The following PDE4B variants were observed in gnomAD, a reference collection of about 807,000 sequenced individuals.
The protein encoded by PDE4B is 3',5'-cyclic-AMP phosphodiesterase 4B.
A neutral mutation model predicts 82.2 loss-of-function variants in PDE4B; 20 were observed. That is an observed-to-expected ratio of 0.24 (90% CI 0.17 to 0.35). The LOEUF (loss-of-function observed/expected upper bound fraction) is 0.35. Ranked by LOEUF, PDE4B falls within the 10% of genes least tolerant of loss-of-function variation. The pLI, the probability that PDE4B is intolerant of heterozygous loss-of-function variation, is 1.00. For synonymous variants in PDE4B, 320 were observed against 318.9 expected (o/e 1.00, Z -0.04); for missense variants, 655 against 907.2 (o/e 0.72, Z 3.57).
chr1:65,946,131 A>G (rs1017481401), intron 3 of PDE4B, among the ~76,000 whole-genome samples: 3 of 151,982 alleles, frequency 2.0e-5, no homozygotes, highest in African/African-American at 4.8e-5. Flanking sequence ...GAAACCCTTC[A>G]TGAATTCATA....
chr1:66,258,243 T>A (rs1356491146), intron 6 of PDE4B, among the ~76,000 whole-genome samples: 1 of 152,258 alleles, frequency 6.6e-6, no homozygotes, highest in East Asian at 1.9e-4. Flanking sequence ...AAACTTAAAA[T>A]TAAATGTAGC....
chr1:66,351,187 G>C (rs1396487839), intron 8 of PDE4B, among the ~76,000 whole-genome samples: 1 of 152,176 alleles, frequency 6.6e-6, no homozygotes, highest in Non-Finnish European at 1.5e-5. Context: ...TGTTGAAAAG[G>C]GGCATTGGCC....
chr1:66,189,414 A>G (rs1054639129), intron 3 of PDE4B, among the ~76,000 whole-genome samples: 2 of 152,174 alleles, frequency 1.3e-5, no homozygotes, highest in African/African-American at 4.8e-5. Context: ...CCTGGATAAT[A>G]TCCTGCAGAG....
At position 66,107,586 on chromosome 1, in the gene PDE4B, T is replaced by G. The variant is rs556805877; in HGVS notation, c.282-139874T>G. Among the ~76,000 whole-genome samples the G allele has an allele frequency of 2.0e-3, 303 of 152,116 alleles. 1 individual carries two copies. The highest frequency in any genetic ancestry group is 3.1e-3 in the Non-Finnish European group (212 of 67,922). ...GTCCACCTGGATGACCAAAAATACT[T>G]TTTATTTGTTAGCATTCTTGCTGCA... On this transcript the variant is annotated intron_variant, in intron 3 of 16. Coordinates refer to ENST00000341517, the MANE Select transcript of PDE4B (RefSeq NM_002600.4).
intron 3 of PDE4B, among the ~76,000 whole-genome samples, chr1:66,113,693 G>A (rs1415532288): frequency 6.6e-6 from 1 of 152,150 alleles, no homozygotes; most frequent in Non-Finnish European, 1.5e-5. Context: ...TTTAAGATAT[G>A]CAAAGATATA....
At position 66,188,458 on chromosome 1, in the gene PDE4B, G is replaced by A. The variant is rs374869628; in HGVS notation, c.282-59002G>A. Among the ~76,000 whole-genome samples the A allele has an allele frequency of 2.6e-4, 39 of 151,932 alleles. No homozygotes were observed. In the South Asian group the frequency reaches 6.2e-3, roughly 24 times the overall value. On this transcript the variant is annotated intron_variant, in intron 3 of 16. Transcript: ENST00000341517. ...GGTGTTAAAGTCTCCCATTATTATT[G>A]TGTGGGAGTCTAAGTCTCTTTGTAG...
chr1:65,934,883 C>A (rs1648039872), intron 3 of PDE4B, among the ~76,000 whole-genome samples: 2 of 151,958 alleles, frequency 1.3e-5, no homozygotes, highest in Admixed American at 6.6e-5. Context: ...ATCGACACAC[C>A]TAAAGAAATA....
intron 1 of PDE4B, among the ~76,000 whole-genome samples, chr1:65,842,015 A>C (rs1241446231): frequency 6.6e-6 from 1 of 152,220 alleles, no homozygotes; most frequent in Admixed American, 6.5e-5. Context: ...ATATTAAATC[A>C]ACTTAGTCTT....
At chr1:65,922,830 A>G (rs566077279) in intron 3 of PDE4B, among the ~76,000 whole-genome samples, 40 of 152,354 alleles carry the variant, frequency 2.6e-4, no homozygotes, top group African/African-American at 9.1e-4. Flanking sequence ...CTTGCAAGAC[A>G]TATCAAACAT....
rs538214763 is a variant in PDE4B, at chr1:66,170,129, G to A, written c.282-77331G>A. ...TCCCTAGGTGTGGGATATGAATAGC[G>A]TACCAGCTTTTCAGGATGTTGCACA... On this transcript the variant is annotated intron_variant, in intron 3 of 16. Coordinates refer to ENST00000341517, the MANE Select transcript of PDE4B (RefSeq NM_002600.4). Among the ~76,000 whole-genome samples the A allele has an allele frequency of 2.6e-5, 4 of 152,248 alleles. No individual in the cohort carries two copies. The East Asian group carries it at 5.8e-4, about 22-fold the overall frequency.
At chr1:66,189,912 G>A (rs1304977592) in intron 3 of PDE4B, among the ~76,000 whole-genome samples, 1 of 152,168 alleles carries the variant, frequency 6.6e-6, no homozygotes, top group African/African-American at 2.4e-5. Flanking sequence ...GAGGTGCTCT[G>A]CTTTTTAGAG....
chr1:65,947,624 G>A (rs545997782), intron 3 of PDE4B, among the ~76,000 whole-genome samples: 1 of 152,026 alleles, frequency 6.6e-6, no homozygotes, highest in East Asian at 1.9e-4. Context: ...CAGTATGACT[G>A]GTATCTTTAT....
intron 1 of PDE4B, among the ~76,000 whole-genome samples, chr1:65,878,788 CT>C (rs374703203): frequency 1.2e-4 from 18 of 152,012 alleles, no homozygotes; most frequent in African/African-American, 4.1e-4. Flanking sequence ...GCATGTGGGG[CT>C]TAAAACCTAG....
intron 1 of PDE4B, among the ~76,000 whole-genome samples, chr1:65,879,436 A>G (rs935422544): frequency 1.3e-5 from 2 of 152,212 alleles, no homozygotes; most frequent in Non-Finnish European, 2.9e-5. Context: ...CAGTAGAAGA[A>G]GAGACAAGTT....
At chr1:66,303,423 T>C (rs150729847) in intron 7 of PDE4B, among the ~76,000 whole-genome samples, 21 of 152,006 alleles carry the variant, frequency 1.4e-4, no homozygotes, top group Admixed American at 1.4e-3. Flanking sequence ...ATCTGTCACC[T>C]CATAGACTTT....
intron 3 of PDE4B, among the ~76,000 whole-genome samples, chr1:66,046,756 T>C (rs1654737592): frequency 6.6e-6 from 1 of 151,838 alleles, no homozygotes; most frequent in Non-Finnish European, 1.5e-5. Flanking sequence ...GGCTACTCAA[T>C]GAGGAAAGAA....
chr1:66,022,459 T>A (rs1034425002), intron 3 of PDE4B, among the ~76,000 whole-genome samples: 1 of 152,234 alleles, frequency 6.6e-6, no homozygotes, highest in Non-Finnish European at 1.5e-5. Context: ...TAAATGGCTT[T>A]TATTATTTTG....
intron 3 of PDE4B, among the ~76,000 whole-genome samples, chr1:66,219,527 A>G (rs1161375899): frequency 6.6e-6 from 1 of 152,150 alleles, no homozygotes; most frequent in Non-Finnish European, 1.5e-5. Context: ...ATCCAAAGAA[A>G]TGTGCAAAGC....
intron 3 of PDE4B, among the ~76,000 whole-genome samples, chr1:65,948,120 A>G (rs962900271): frequency 2.6e-5 from 4 of 151,594 alleles, no homozygotes; most frequent in Non-Finnish European, 5.9e-5. Flanking sequence ...TAACTTTACA[A>G]TTCAATGAAC....
Sources: gnomAD v4.1 joint callset for allele counts (sites outside exome capture counted in the v4.1 genomes callset) on GRCh38, gnomAD v4.1.1 for gene constraint, MANE v1.5 for transcripts, NCBI Gene and HGNC (gene_info 2026-07-23, HGNC 2026-07-21) for gene names.